P2RX7: variants seen among roughly 807,000 people sequenced by gnomAD.
P2RX7 encodes the protein purinergic receptor P2X 7.
A neutral mutation model predicts 71.6 loss-of-function variants in P2RX7; 62 were observed. The observed-to-expected ratio is 0.87, with a 90% CI of 0.71 to 1.07. The LOEUF is 1.07. P2RX7 is among the 50% of genes least tolerant of loss of function. The pLI, the probability that P2RX7 is intolerant of heterozygous loss-of-function variation, is 0.00. For missense variants in P2RX7, 686 were observed against 748.5 expected, an observed-to-expected ratio of 0.92 and a Z score of 0.97; for synonymous variants, 299 against 283.3, an observed-to-expected ratio of 1.06 and a Z score of -0.56.
intron 1 of P2RX7, among the ~76,000 whole-genome samples, chr12:121,133,836 C>A (rs964622274): frequency 2.1e-4 from 32 of 152,158 alleles, no homozygotes; most frequent in African/African-American, 7.7e-4. Flanking sequence ...TCCTTTGTGG[C>A]ACTTAGCGTG....
chr12:121,159,600 A>C (rs973643618), intron 3 of P2RX7, among the ~76,000 whole-genome samples: 2 of 152,120 alleles, frequency 1.3e-5, no homozygotes, highest in Admixed American at 6.6e-5. Flanking sequence ...ACAGATGACA[A>C]AGAGCAGAGG....
rs556542035 is a variant in P2RX7, at chr12:121,166,275, T to C, written c.744+88T>C. 3.6e-6 allele frequency: 5 copies of C among 1,391,206 alleles called. No individual in the cohort carries two copies. The South Asian group carries it at 3.9e-5, about 11-fold the overall frequency. 86.2% of individuals were successfully genotyped at this position (1,391,206 alleles called of 1,614,324 possible). On this transcript the variant is annotated intron_variant, in intron 7 of 12. Coordinates refer to ENST00000328963, the MANE Select transcript of P2RX7 (RefSeq NM_002562.6). The stretch of plus-strand genomic sequence containing the variant: ...AGCCAAGAGGCCGGGCCACTGGGTC[T>C]TCATAATGTGGCTCACATTTACTGA...
intron 5 of P2RX7, among the ~76,000 whole-genome samples, chr12:121,163,345 C>T (rs1260212740): frequency 7.8e-6 from 1 of 127,956 alleles, no homozygotes; most frequent in Non-Finnish European, 1.7e-5. Flanking sequence ...CACACACACA[C>T]ACACACACAC....
rs564053197 is a variant in P2RX7, at chr12:121,152,648, T to C, written c.126-2137T>C. ...GATTCTCCTGCCTCAGCCTCCCGAA[T>C]AGGTGGGATTACAGGCTCACGCCAC... On this transcript the variant is annotated intron_variant, in intron 1 of 12. Coordinates refer to ENST00000328963, the MANE Select transcript of P2RX7 (RefSeq NM_002562.6). 7.9e-5 allele frequency among the ~76,000 whole-genome samples: 12 copies of C among 152,342 alleles called. No individual in the cohort carries two copies. In the South Asian group the frequency reaches 2.3e-3, roughly 29 times the overall value.
At chr12:121,153,361 A>C (rs578103630) in intron 1 of P2RX7, among the ~76,000 whole-genome samples, 1 of 152,336 alleles carries the variant, frequency 6.6e-6, no homozygotes. Flanking sequence ...TAAAGTCTGA[A>C]TGAGTAAATA....
chr12:121,168,207 A>C (rs1239388928), intron 8 of P2RX7, among the ~76,000 whole-genome samples: 1 of 152,080 alleles, frequency 6.6e-6, no homozygotes, highest in Non-Finnish European at 1.5e-5. Flanking sequence ...ATTAATGATC[A>C]TAACATTCCA....
chr12:121,148,810 T>A (rs2136019120), intron 1 of P2RX7, among the ~76,000 whole-genome samples: 1 of 152,254 alleles, frequency 6.6e-6, no homozygotes, highest in South Asian at 2.1e-4. Context: ...ATTCTCCTCT[T>A]GGGATTTTAA....
intron 4 of P2RX7, among the ~76,000 whole-genome samples, chr12:121,162,020 T>C (rs572520298): frequency 1.2e-4 from 19 of 152,310 alleles, no homozygotes; most frequent in Non-Finnish European, 2.6e-4. Flanking sequence ...CAGGAAGATG[T>C]GCCATGCTGA....
chr12:121,163,065 A>C (rs1430863935), intron 5 of P2RX7, among the ~76,000 whole-genome samples: 1 of 152,154 alleles, frequency 6.6e-6, no homozygotes. Context: ...TTCAATACAC[A>C]AAGTCACAAT....
At position 121,164,384 on chromosome 12, in the gene P2RX7, G is replaced by A. The variant is rs867253004; in HGVS notation, c.534-973G>A. Among the ~76,000 whole-genome samples the A allele has an allele frequency of 4.6e-5, 7 of 152,168 alleles. No individual in the cohort carries two copies. The South Asian group carries it at 6.2e-4, about 14-fold the overall frequency. On this transcript the variant is annotated intron_variant, in intron 5 of 12. Coordinates refer to ENST00000328963, the MANE Select transcript of P2RX7 (RefSeq NM_002562.6). Reference sequence around the variant, plus strand: ...TAGGTAAAATACAAGTCCCAGATACGGAGCAAGTCTCAACCACTGTACATA... The same window carrying A: ...TAGGTAAAATACAAGTCCCAGATACAGAGCAAGTCTCAACCACTGTACATA...
chr12:121,135,196 G>C (rs975447764), intron 1 of P2RX7, among the ~76,000 whole-genome samples: 30 of 151,966 alleles, frequency 2.0e-4, no homozygotes, highest in African/African-American at 7.3e-4. Flanking sequence ...AAAATTAGTG[G>C]GGAGTGGTGG....
chr12:121,182,311 T>C (rs1884273236), intron 12 of P2RX7, among the ~76,000 whole-genome samples: 1 of 152,216 alleles, frequency 6.6e-6, no homozygotes, highest in Non-Finnish European at 1.5e-5. Context: ...TCTTGTAATG[T>C]TCTTGTTGGA....
chr12:121,183,553 A>G (rs963820524), intron 12 of P2RX7, among the ~76,000 whole-genome samples: 2 of 143,674 alleles, frequency 1.4e-5, no homozygotes, highest in African/African-American at 2.6e-5. Flanking sequence ...CCTGGGAGAC[A>G]GAGCAAGACT....
chr12:121,132,993 G>C lies in P2RX7; in HGVS notation c.23G>C (p.Ser8Thr), dbSNP rs762608409. 6.2e-7 allele frequency: 1 copy of C among 1,614,040 alleles called. No individual in the cohort carries two copies. Among genetic ancestry groups the C allele is most frequent in the South Asian group, 1.1e-5 (1 of 91,080 alleles). ...ACCATGCCGGCCTGCTGCAGCTGCA[G>C]TGATGTTTTCCAGTATGAGACGAAC... Reference protein sequence around the residue: MPACCSCSDVFQYETNKV... With the variant: MPACCSCTDVFQYETNKV... Residue 8 changes from serine to threonine, a missense_variant, in exon 1 of 13, where the codon AGT becomes ACT. Ser to Thr is a moderately conservative substitution (Grantham distance 58). Transcript: ENST00000328963.
intron 1 of P2RX7, among the ~76,000 whole-genome samples, chr12:121,136,647 CTTTTT>C (rs66894143): frequency 8.4e-6 from 1 of 119,248 alleles, no homozygotes. Flanking sequence ...TTCTTTCTTT[CTTTTT>C]TTTTTTTTTT....
At chr12:121,179,226 T>A (rs183813357) in intron 11 of P2RX7, among the ~76,000 whole-genome samples, 45 of 152,186 alleles carry the variant, frequency 3.0e-4, no homozygotes, top group Non-Finnish European at 5.9e-5. Flanking sequence ...TGGCTAGACG[T>A]GGTGGCTCAC....
chr12:121,175,403 C>A lies in P2RX7; in HGVS notation c.897C>A (p.Tyr299Ter). ...PGYNFRYAKY[Y>*]KENNVEKRTL... The stretch of plus-strand genomic sequence containing the variant: ...CTTCCTACAGATACGCCAAGTACTA[C>A]AAGGAAAACAATGTTGAGAAACGGA... Residue 299 changes from tyrosine to a stop codon, truncating the protein, a stop_gained, in exon 9 of 13, where the codon TAC (tyrosine) becomes TAA (stop). Coordinates refer to ENST00000328963, the MANE Select transcript of P2RX7 (RefSeq NM_002562.6). LOFTEE classifies it high-confidence loss of function. 1 of 1,601,292 alleles carries A rather than the reference C, an allele frequency of 6.2e-7. No individual in the cohort carries two copies. The highest frequency in any genetic ancestry group is 8.5e-7 in the Non-Finnish European group (1 of 1,170,036).
At position 121,149,879 on chromosome 12, in the gene P2RX7, A is replaced by G. The variant is rs548206981; in HGVS notation, c.126-4906A>G. Among the ~76,000 whole-genome samples, 2 of 151,966 alleles carry G rather than the reference A, an allele frequency of 1.3e-5. No homozygotes were observed. The highest frequency in any genetic ancestry group is 3.9e-4 in the East Asian group (2 of 5,172). Reference sequence around the variant, plus strand: ...ACCACCACACCCCCACAACTTACCCATCCTCCCCGGCTCAGTGAAATCCCT... The same window carrying G: ...ACCACCACACCCCCACAACTTACCCGTCCTCCCCGGCTCAGTGAAATCCCT... On this transcript the variant is annotated intron_variant, in intron 1 of 12. Transcript: ENST00000328963. This position sits in a 1 kb window ranked among gnomAD's most constrained non-coding sequence, Gnocchi z 4.7.
chr12:121,155,192 A>C (rs1878318005), intron 2 of P2RX7: 1 of 1,474,270 alleles, frequency 6.8e-7, no homozygotes. Flanking sequence ...GTCCTGGTGC[A>C]TTGAAAACAG....
Sources: gnomAD v4.1 joint callset for allele counts (sites outside exome capture counted in the v4.1 genomes callset) on GRCh38, gnomAD v4.1.1 for gene constraint, Gnocchi (gnomAD v3.1) non-coding constraint, MANE v1.5 for transcripts, NCBI Gene and HGNC (gene_info 2026-07-23, HGNC 2026-07-21) for gene names.